Variants in CHCHD6 observed in about 807,000 individuals in gnomAD.
CHCHD6 encodes the protein coiled-coil-helix-coiled-coil-helix domain containing 6.
Under a neutral mutation model 32.3 loss-of-function variants are expected in CHCHD6, and 28 were observed. The ratio of observed to expected loss-of-function variants is 0.87; its 90% CI spans 0.64 to 1.19. CHCHD6 has a LOEUF of 1.19. Ranked by LOEUF, CHCHD6 falls within the 50% of genes most tolerant of loss-of-function variation. The pLI is 0.00. For missense variants in CHCHD6, 333 were observed against 307.0 expected, an observed-to-expected ratio of 1.08 and a Z score of -0.63; for synonymous variants, 122 against 117.5, an observed-to-expected ratio of 1.04 and a Z score of -0.25.
At chr3:126,899,486 T>C (rs1012047432) in intron 5 of CHCHD6, among the ~76,000 whole-genome samples, 4 of 152,222 alleles carry the variant, frequency 2.6e-5, no homozygotes, top group African/African-American at 9.6e-5. Context: ...TCTATTCATA[T>C]AGCCCACGCG....
rs192301165 is a variant in CHCHD6, at chr3:126,859,450, G to A, written c.495+6720G>A. 3.7e-4 allele frequency among the ~76,000 whole-genome samples: 56 copies of A among 152,352 alleles called. 1 individual carries two copies. The East Asian group carries it at 9.3e-3, about 25-fold the overall frequency. On this transcript the variant is annotated intron_variant, in intron 5 of 7. Coordinates refer to ENST00000290913, the MANE Select transcript of CHCHD6 (RefSeq NM_032343.3). ...AGGTGAGCCACTACACTTGGAGAAG[G>A]TTGTAAATTTAATTCTAGGCTTGCA...
intron 4 of CHCHD6, among the ~76,000 whole-genome samples, chr3:126,808,548 T>C (rs1939516367): frequency 6.6e-6 from 1 of 152,212 alleles, no homozygotes; most frequent in Non-Finnish European, 1.5e-5. Context: ...TTTATCAAGT[T>C]CAAGACACTT....
intron 6 of CHCHD6, among the ~76,000 whole-genome samples, chr3:126,921,411 C>T (rs1392519008): frequency 1.3e-5 from 2 of 151,982 alleles, no homozygotes; most frequent in Admixed American, 6.5e-5. Context: ...CACAGCAGCA[C>T]AGAAGGCAGA....
intron 6 of CHCHD6, among the ~76,000 whole-genome samples, chr3:126,934,120 C>A (rs1158370165): frequency 6.6e-6 from 1 of 152,138 alleles, no homozygotes; most frequent in East Asian, 1.9e-4. Flanking sequence ...ATGGAAAAGC[C>A]CCTGGTCTAT....
intron 6 of CHCHD6, among the ~76,000 whole-genome samples, chr3:126,938,480 T>A (rs1322096675): frequency 6.6e-6 from 1 of 152,224 alleles, no homozygotes; most frequent in Non-Finnish European, 1.5e-5. Flanking sequence ...CAGGATTCGA[T>A]AAATGGTAGC....
intron 4 of CHCHD6, among the ~76,000 whole-genome samples, chr3:126,756,033 T>C (rs1251507541): frequency 1.3e-5 from 2 of 152,118 alleles, no homozygotes; most frequent in East Asian, 3.9e-4. Context: ...GTGCAGTGGG[T>C]CTGTGCAGGG....
intron 4 of CHCHD6, among the ~76,000 whole-genome samples, chr3:126,793,216 G>A (rs1005338984): frequency 1.2e-4 from 18 of 151,928 alleles, no homozygotes; most frequent in African/African-American, 3.9e-4. Flanking sequence ...TATATTTAAT[G>A]TAATTAATGA....
chr3:126,799,792 G>A (rs547692656), intron 4 of CHCHD6, among the ~76,000 whole-genome samples: 40 of 152,214 alleles, frequency 2.6e-4, no homozygotes, highest in African/African-American at 7.9e-4. Flanking sequence ...AGAATACCAC[G>A]GCCTGGAGAA....
intron 6 of CHCHD6, among the ~76,000 whole-genome samples, chr3:126,940,943 C>A (rs1411067384): frequency 6.6e-6 from 1 of 151,928 alleles, no homozygotes; most frequent in African/African-American, 2.4e-5. Flanking sequence ...TGTTATTAAT[C>A]TTTTATCATT....
chr3:126,882,588 AG>A (rs1162611414), intron 5 of CHCHD6, among the ~76,000 whole-genome samples: 1 of 152,226 alleles, frequency 6.6e-6, no homozygotes, highest in Admixed American at 6.5e-5. Flanking sequence ...TGTTATCGCC[AG>A]GCCCTATATT....
chr3:126,737,051 T>TACA (rs1936075609), intron 4 of CHCHD6, among the ~76,000 whole-genome samples: 1 of 152,144 alleles, frequency 6.6e-6, no homozygotes, highest in Non-Finnish European at 1.5e-5. Context: ...CTGGGCGCGG[T>TACA]GGCTCACACC....
chr3:126,812,487 G>A (rs547253531), intron 4 of CHCHD6, among the ~76,000 whole-genome samples: 42 of 151,620 alleles, frequency 2.8e-4, no homozygotes, highest in Admixed American at 1.4e-3. Context: ...GCAGTGGCGC[G>A]ATCTCGGCTT....
chr3:126,707,753 G>A (rs1934562378), intron 1 of CHCHD6, among the ~76,000 whole-genome samples: 1 of 152,230 alleles, frequency 6.6e-6, no homozygotes, highest in African/African-American at 2.4e-5. Context: ...GACCACGGTG[G>A]AGGGGAAGAT....
intron 5 of CHCHD6, among the ~76,000 whole-genome samples, chr3:126,914,258 C>A (rs557034203): frequency 6.6e-6 from 1 of 152,190 alleles, no homozygotes; most frequent in Non-Finnish European, 1.5e-5. Flanking sequence ...AAATTTTTTT[C>A]TTTAAAGATA....
chr3:126,757,696 C>G (rs1290501085), intron 4 of CHCHD6, among the ~76,000 whole-genome samples: 2 of 152,178 alleles, frequency 1.3e-5, no homozygotes, highest in Non-Finnish European at 2.9e-5. Context: ...TTAATACCTT[C>G]TGGACAAGTA....
At chr3:126,877,726 T>A (rs1222031678) in intron 5 of CHCHD6, among the ~76,000 whole-genome samples, 1 of 152,180 alleles carries the variant, frequency 6.6e-6, no homozygotes, top group Non-Finnish European at 1.5e-5. Context: ...TGTGTATAAA[T>A]CTGGTGAAAT....
At chr3:126,923,380 A>T (rs974381826) in intron 6 of CHCHD6, among the ~76,000 whole-genome samples, 8 of 152,206 alleles carry the variant, frequency 5.3e-5, no homozygotes, top group Non-Finnish European at 1.0e-4. Flanking sequence ...AGGTCAACCT[A>T]ATATCTTATA....
At position 126,875,154 on chromosome 3, in the gene CHCHD6, G is replaced by C. The variant is rs191034389; in HGVS notation, c.495+22424G>C. Among the ~76,000 whole-genome samples the C allele has an allele frequency of 3.3e-5, 5 of 152,354 alleles. No individual in the cohort carries two copies. In the East Asian group the frequency reaches 9.6e-4, roughly 29 times the overall value. On this transcript the variant is annotated intron_variant, in intron 5 of 7. Transcript: ENST00000290913. ...CCATCGTGAGACTGGTGTGACTCTT[G>C]CCTTAATCTGAACCCTGCAGGCTAA...
rs568636019 is a variant in CHCHD6 at position 126,785,446 on chromosome 3, C to A, written c.411+52224C>A. 3.9e-5 allele frequency among the ~76,000 whole-genome samples: 6 copies of A among 152,330 alleles called. No homozygotes were observed. In the South Asian group the frequency reaches 1.2e-3, roughly 32 times the overall value. On this transcript the variant is annotated intron_variant, in intron 4 of 7. Transcript: ENST00000290913. ...TATCTTCTAGCTCTCAGAAGTCTGACAGTCACTCTTGCTCCCATAGTCAAG... is the reference window on the plus strand; with the variant it reads ...TATCTTCTAGCTCTCAGAAGTCTGAAAGTCACTCTTGCTCCCATAGTCAAG...
Sources: allele counts gnomAD v4.1 joint callset (sites outside exome capture counted in the v4.1 genomes callset), GRCh38; gene constraint gnomAD v4.1.1; transcripts MANE v1.5; gene names NCBI Gene and HGNC (gene_info 2026-07-23, HGNC 2026-07-21).